Variants in POLDIP3 observed in about 807,000 individuals in gnomAD.
POLDIP3 encodes DNA polymerase delta interacting protein 3, also known as polymerase delta-interacting protein 3.
A neutral mutation model predicts 45.1 loss-of-function variants in POLDIP3; 14 were observed. The ratio of observed to expected loss-of-function variants is 0.31; its 90% confidence interval spans 0.20 to 0.49. The LOEUF (loss-of-function observed/expected upper bound fraction) is 0.49, where lower values mean the gene tolerates loss of function less well. Ranked by LOEUF, POLDIP3 falls within the 20% of genes least tolerant of loss-of-function variation. The probability of loss-of-function intolerance (pLI) is 0.99; values close to 1 mark genes in which losing one functional copy is unlikely to be tolerated. For missense variants in POLDIP3, 511 were observed against 538.8 expected, an observed-to-expected ratio of 0.95 and a Z score of 0.51; for synonymous variants, 223 against 205.2, an observed-to-expected ratio of 1.09 and a Z score of -0.74.
intron 3 of POLDIP3, 135 bp from the exon 4 acceptor site, chr22:42,599,928 T>A: frequency 1.6e-6 from 1 of 635,944 alleles, no homozygotes; most frequent in Non-Finnish European, 2.7e-6. Flanking sequence ...GGGGTGACGG[T>A]GCCTGGAAAG....
intron 1 of POLDIP3, among the ~76,000 whole-genome samples, chr22:42,610,720 T>A (rs115553655): frequency 0.01 from 1,573 of 152,168 alleles, 19 homozygotes; most frequent in African/African-American, 0.036. Flanking sequence ...CTGGGCAACA[T>A]GGCGAGACCT....
chr22:42,603,198 G>A, intron 1 of POLDIP3, 38 bp from the exon 2 acceptor site: 1 of 1,597,204 alleles, frequency 6.3e-7, no homozygotes, highest in Non-Finnish European at 8.5e-7. Flanking sequence ...AAGTGGATCT[G>A]GGTATCTACA....
chr22:42,601,577 A>G (rs1418449762), intron 3 of POLDIP3, among the ~76,000 whole-genome samples: 2 of 151,718 alleles, frequency 1.3e-5, no homozygotes, highest in Non-Finnish European at 2.9e-5. Flanking sequence ...CCTAGCCAAC[A>G]TGGTGAAACC....
intron 1 of POLDIP3, among the ~76,000 whole-genome samples, chr22:42,612,695 G>A (rs769673164): frequency 3.3e-5 from 5 of 152,090 alleles, no homozygotes; most frequent in Middle Eastern, 3.4e-3. Context: ...TCGTGGTGTC[G>A]GGCACCTGTA....
intron 1 of POLDIP3, among the ~76,000 whole-genome samples, chr22:42,605,566 G>C (rs561420992): frequency 5.9e-5 from 9 of 152,302 alleles, no homozygotes; most frequent in African/African-American, 1.7e-4. Context: ...GTGGGTTCTG[G>C]GTAGAAGGGT....
Position 42,610,811 on chromosome 22 carries a change from C to G in POLDIP3, c.59+3988G>C, listed in dbSNP as rs115069016. ...GTCCCAGCTACCTGGTAGGCTGAGGCAGGAAGACTGCTTAAGCCCAGGAGG... is the reference window on the plus strand; with the variant it reads ...GTCCCAGCTACCTGGTAGGCTGAGGGAGGAAGACTGCTTAAGCCCAGGAGG... On this transcript the variant is annotated intron_variant, in intron 1 of 8. Coordinates refer to ENST00000252115, the MANE Select transcript of POLDIP3 (RefSeq NM_032311.5). 5.4e-3 allele frequency among the ~76,000 whole-genome samples: 821 copies of G among 152,284 alleles called. 7 individuals are homozygous for G. The highest frequency in any genetic ancestry group is 0.019 in the African/African-American group (793 of 41,560).
intron 1 of POLDIP3, 119 bp downstream of exon 1, chr22:42,614,680 G>T: frequency 8.9e-7 from 1 of 1,127,656 alleles, no homozygotes; most frequent in Non-Finnish European, 1.3e-6. Context: ...GAGGAGCGCG[G>T]CTGTGGTCGG....
At chr22:42,599,092 G>A (rs552788218) in intron 4 of POLDIP3, among the ~76,000 whole-genome samples, 34 of 152,326 alleles carry the variant, frequency 2.2e-4, no homozygotes, top group Non-Finnish European at 3.8e-4. Context: ...AGCCACCAAG[G>A]AAAGAACACA....
chr22:42,600,673 T>TA (rs1372422639), intron 3 of POLDIP3, among the ~76,000 whole-genome samples: 2 of 148,086 alleles, frequency 1.4e-5, no homozygotes, highest in East Asian at 2.0e-4. Context: ...ATGAGTTAAG[T>TA]AAAAAACAGA....
rs149839990 is a variant in POLDIP3 at position 42,602,322 on chromosome 22, A to G, written c.451-266T>C. Among the ~76,000 whole-genome samples the G allele has an allele frequency of 2.3e-3, 347 of 152,344 alleles. 2 individuals are homozygous for G. The highest frequency in any genetic ancestry group is 7.8e-3 in the African/African-American group (325 of 41,588). On this transcript the variant is annotated intron_variant, in intron 2 of 8. Coordinates refer to ENST00000252115, the MANE Select transcript of POLDIP3 (RefSeq NM_032311.5). ...TGCTGTTCCTATTACCAAAGCTGCTATGAAGGTTAAATGACATTGTTTCCT... is the reference window on the plus strand; with the variant it reads ...TGCTGTTCCTATTACCAAAGCTGCTGTGAAGGTTAAATGACATTGTTTCCT...
At chr22:42,610,925 C>T (rs942821746) in intron 1 of POLDIP3, among the ~76,000 whole-genome samples, 1 of 152,012 alleles carries the variant, frequency 6.6e-6, no homozygotes, top group Admixed American at 6.6e-5. Flanking sequence ...AAGGAAAAAA[C>T]CAACATGAGG....
chr22:42,592,224 G>C (rs967647157), intron 6 of POLDIP3, 140 bp from the exon 7 acceptor site: 51 of 1,257,736 alleles, frequency 4.1e-5, no homozygotes, highest in Non-Finnish European at 5.7e-5. Flanking sequence ...GGCTCCACGC[G>C]AGGTGGTGCT....
intron 5 of POLDIP3, 25 bp downstream of exon 5, chr22:42,596,161 G>A (rs1340823283): frequency 6.2e-7 from 1 of 1,611,578 alleles, no homozygotes. Flanking sequence ...GACCCCAACT[G>A]CTGCAGTCAC....
Position 42,584,991 on chromosome 22 carries a change from C to A in POLDIP3, c.*800G>T, listed in dbSNP as rs1313780168. The stretch of plus-strand genomic sequence containing the variant: ...CACAAAACCAGGGTGTGGTTAAGTG[C>A]CAGGCGAGGTGAGAACCGGGAGGGC... On this transcript the variant is annotated 3_prime_UTR_variant, in exon 9 of 9. Transcript: ENST00000252115. The A allele has an allele frequency of 2.2e-6, 1 of 456,310 alleles. No individual in the cohort carries two copies. Among genetic ancestry groups the A allele is most frequent in the South Asian group, 1.5e-5 (1 of 64,570 alleles). The allele number at this position is 456,310 out of a possible 1,614,324, so 28.3% of individuals were successfully genotyped here.
chr22:42,588,792 C>A (rs1045178554), intron 7 of POLDIP3, among the ~76,000 whole-genome samples: 4 of 152,028 alleles, frequency 2.6e-5, no homozygotes, highest in Non-Finnish European at 5.9e-5. Context: ...CCACACCTGG[C>A]TAATTTTGTA....
intron 7 of POLDIP3, among the ~76,000 whole-genome samples, chr22:42,589,219 G>A (rs1240837893): frequency 2.0e-5 from 3 of 150,880 alleles, no homozygotes; most frequent in Non-Finnish European, 4.4e-5. Context: ...TTCCAGCCTG[G>A]GCGACAGAGC....
intron 6 of POLDIP3, among the ~76,000 whole-genome samples, chr22:42,592,869 C>T (rs138119306): frequency 2.7e-4 from 41 of 152,304 alleles, no homozygotes; most frequent in African/African-American, 9.4e-4. Context: ...CTAGCACTCA[C>T]GCCATTTCTT....
chr22:42,609,823 G>A (rs1927009555), intron 1 of POLDIP3, among the ~76,000 whole-genome samples: 1 of 152,186 alleles, frequency 6.6e-6, no homozygotes, highest in Admixed American at 6.5e-5. Context: ...AACTATGACT[G>A]AGGGTCAACT....
At chr22:42,599,831 C>T in intron 3 of POLDIP3, 38 bp from the exon 4 acceptor site, 1 of 1,451,680 alleles carries the variant, frequency 6.9e-7, no homozygotes. Flanking sequence ...GCAAATGTGG[C>T]ATCTGGGCCC....
Sources: gnomAD v4.1 joint callset for allele counts (sites outside exome capture counted in the v4.1 genomes callset) on GRCh38, gnomAD v4.1.1 for gene constraint, MANE v1.5 for transcripts, NCBI Gene and HGNC (gene_info 2026-07-23, HGNC 2026-07-21) for gene names.